Variants in TMC3 observed in about 807,000 individuals in gnomAD.
TMC3 encodes the protein transmembrane channel like 3, also known as transmembrane channel-like protein 3.
A neutral mutation model predicts 110.6 loss-of-function variants in TMC3; 98 were observed. That is an observed-to-expected ratio of 0.89 (90% CI 0.75 to 1.05). The LOEUF is 1.05. Among genes scored for constraint, TMC3 ranks in the 50% least tolerant of loss-of-function variants. The pLI, the probability that TMC3 is intolerant of heterozygous loss-of-function variation, is 0.00. For synonymous variants in TMC3, 489 were observed against 513.1 expected, an observed-to-expected ratio of 0.95 and a Z score of 0.63; for missense variants, 1,319 against 1,373.2, an observed-to-expected ratio of 0.96 and a Z score of 0.62.
In TMC3 at chr15:81,332,595, A is replaced by C. The variant is rs375372811; in HGVS notation, c.3127T>G (p.Ser1043Ala). 5.6e-6 allele frequency: 9 copies of C among 1,613,694 alleles called. No individual in the cohort carries two copies. The South Asian group carries it at 6.6e-5, about 12-fold the overall frequency. The change falls in exon 22 of 22, where the codon TCC becomes GCC. Residue 1043 changes from serine (S) to alanine (A), a missense_variant. Coordinates refer to ENST00000359440, the MANE Select transcript of TMC3 (RefSeq NM_001080532.3). ...TCACTGCTGGATGCTGCCGACACGG[A>C]GTCAGATTCCGTGAGGGATGGCTCG... ...RFEPSLTESD[S>A]VSAASSSDQQ...
chr15:81,371,665 C>G (rs1375530594), intron 2 of TMC3, among the ~76,000 whole-genome samples: 1 of 152,178 alleles, frequency 6.6e-6, no homozygotes, highest in Non-Finnish European at 1.5e-5. Flanking sequence ...TGTTAAATAC[C>G]AGATACAATG....
intron 1 of TMC3, among the ~76,000 whole-genome samples, chr15:81,373,050 G>A (rs914508456): frequency 6.6e-6 from 1 of 152,144 alleles, no homozygotes; most frequent in Non-Finnish European, 1.5e-5. Context: ...TGAGACAAGA[G>A]GGTATTTACG....
chr15:81,337,786 C>T (rs761277078), intron 19 of TMC3, 60 bp downstream of exon 19: 20 of 1,417,690 alleles, frequency 1.4e-5, no homozygotes, highest in African/African-American at 9.9e-5. Flanking sequence ...CCCACGCTGG[C>T]GGGATCTCAG....
intron 20 of TMC3, 58 bp from the exon 21 acceptor site, chr15:81,335,033 C>T: frequency 6.3e-7 from 1 of 1,583,588 alleles, no homozygotes; most frequent in Non-Finnish European, 8.6e-7. Flanking sequence ...GTGACAACTT[C>T]AGATGAGTTG....
intron 3 of TMC3, among the ~76,000 whole-genome samples, chr15:81,366,038 ATATG>A (rs986533155): frequency 3.3e-5 from 5 of 152,232 alleles, no homozygotes; most frequent in Non-Finnish European, 5.9e-5. Context: ...AGATCTAACA[ATATG>A]TATGACAGTT....
rs1271557989 is a variant in TMC3, at chr15:81,333,001, T to A, written c.2721A>T (p.Arg907Ser). 6.2e-7 allele frequency: 1 copy of A among 1,613,782 alleles called. No individual in the cohort carries two copies. The highest frequency in any genetic ancestry group is 1.7e-5 in the Admixed American group (1 of 59,986). Residue 907 changes from arginine (R) to serine (S), a missense_variant, in exon 22 of 22, where the codon AGA (arginine) becomes AGT (serine). Coordinates refer to ENST00000359440, the MANE Select transcript of TMC3 (RefSeq NM_001080532.3). ...KKKHLNVWPE[R>S]HFKIDASGDI... is the part of the protein sequence containing the mutation. ...CACCTGAAGCATCTATCTTGAAATG[T>A]CTTTCTGGCCAGACATTTAGATGTT... is the stretch of plus-strand genomic sequence containing the variant.
chr15:81,356,554 T>A lies in TMC3; in HGVS notation c.784A>T (p.Asn262Tyr), dbSNP rs1419886020. Reference sequence around the variant, plus strand: ...CGCCAGCAGAAGGTATAGTTTTCATTGGAAGCACTGGCAAGACTCGTGCGG... The same window carrying A: ...CGCCAGCAGAAGGTATAGTTTTCATAGGAAGCACTGGCAAGACTCGTGCGG... ...NSRTSLASAS[N>Y]ENYTFCWRVF... The change falls in exon 8 of 22, where the codon AAT (asparagine) becomes TAT (tyrosine). Residue 262 changes from asparagine (N) to tyrosine (Y), a missense_variant. By Grantham distance (143) the Asn-to-Tyr change is moderately radical. Coordinates refer to ENST00000359440, the MANE Select transcript of TMC3 (RefSeq NM_001080532.3). 6.3e-7 allele frequency: 1 copy of A among 1,586,590 alleles called. No homozygotes were observed. Among genetic ancestry groups the A allele is most frequent in the Non-Finnish European group, 8.6e-7 (1 of 1,166,408 alleles).
At chr15:81,368,192 C>G in intron 3 of TMC3, 61 bp downstream of exon 3, 8 of 1,304,864 alleles carry the variant, frequency 6.1e-6, no homozygotes, top group Non-Finnish European at 8.9e-6. Flanking sequence ...CTTGGCCTCC[C>G]AAAGCACTGG....
At chr15:81,354,677 G>T (rs1327049126) in intron 9 of TMC3, among the ~76,000 whole-genome samples, 1 of 152,108 alleles carries the variant, frequency 6.6e-6, no homozygotes, top group African/African-American at 2.4e-5. Flanking sequence ...TGGCCAAGAG[G>T]ATTTGAAGGG....
At chr15:81,354,494 C>T (rs1164147502) in intron 9 of TMC3, among the ~76,000 whole-genome samples, 1 of 152,178 alleles carries the variant, frequency 6.6e-6, no homozygotes, top group East Asian at 1.9e-4. Context: ...AGCATTGCAC[C>T]CAGCCTCTTG....
At chr15:81,341,575 A>G in intron 15 of TMC3, 57 bp from the exon 16 acceptor site, 3 of 1,561,012 alleles carry the variant, frequency 1.9e-6, no homozygotes, top group Non-Finnish European at 2.6e-6. Flanking sequence ...ATCTCCCAGG[A>G]CTATGGAAGC....
At chr15:81,345,428 AATG>A (rs1893805722) in intron 12 of TMC3, among the ~76,000 whole-genome samples, 2 of 152,182 alleles carry the variant, frequency 1.3e-5, no homozygotes, top group Non-Finnish European at 2.9e-5. Flanking sequence ...AATGCAGAAA[AATG>A]ATTCTCTGTG....
chr15:81,366,811 G>A (rs1209246778), intron 3 of TMC3, among the ~76,000 whole-genome samples: 1 of 152,100 alleles, frequency 6.6e-6, no homozygotes, highest in Non-Finnish European at 1.5e-5. Flanking sequence ...TTCTTTGATA[G>A]TTTATAATTT....
chr15:81,333,662 A>G (rs1332825195), intron 21 of TMC3, among the ~76,000 whole-genome samples: 1 of 152,058 alleles, frequency 6.6e-6, no homozygotes, highest in Non-Finnish European at 1.5e-5. Flanking sequence ...CTGAGTTTCC[A>G]CTGGTGGGTG....
Position 81,344,005 on chromosome 15 carries a change from A to G in TMC3, c.1559T>C (p.Val520Ala). The change falls in exon 14 of 22, where the codon GTG becomes GCG. Residue 520 changes from valine to alanine, a missense_variant. Val to Ala is a moderately conservative substitution (Grantham distance 64). Coordinates refer to ENST00000359440, the MANE Select transcript of TMC3 (RefSeq NM_001080532.3). Reference sequence around the variant, plus strand: ...GAAGTCTATGAGCAGAATGCTCGCCACGGTGAAGAGCATGTCAATGATGGA... The same window carrying G: ...GAAGTCTATGAGCAGAATGCTCGCCGCGGTGAAGAGCATGTCAATGATGGA... ...KLSIIDMLFTVASILLIDFFR... is the reference protein window; with the variant it reads ...KLSIIDMLFTAASILLIDFFR... The G allele has an allele frequency of 1.9e-6, 3 of 1,612,832 alleles. No homozygotes were observed. Among genetic ancestry groups the G allele is most frequent in the Non-Finnish European group, 2.5e-6 (3 of 1,179,406 alleles).
chr15:81,345,885 A>G (rs530496524), intron 12 of TMC3, among the ~76,000 whole-genome samples: 2 of 148,974 alleles, frequency 1.3e-5, no homozygotes, highest in South Asian at 2.1e-4. Flanking sequence ...TCAAAAAAGA[A>G]AAAAAAAAAG....
chr15:81,345,417 C>T (rs1300863778), intron 12 of TMC3, among the ~76,000 whole-genome samples: 1 of 152,122 alleles, frequency 6.6e-6, no homozygotes, highest in Non-Finnish European at 1.5e-5. Context: ...CTCAAAGCCC[C>T]AATGCAGAAA....
At chr15:81,340,120 G>T (rs561878886) in intron 16 of TMC3, among the ~76,000 whole-genome samples, 2 of 152,304 alleles carry the variant, frequency 1.3e-5, no homozygotes, top group South Asian at 4.1e-4. Flanking sequence ...TCTGTTTGGT[G>T]TGCAAGGCCC....
intron 20 of TMC3, chr15:81,335,764 C>CT (rs1207839150): frequency 6.6e-6 from 1 of 152,272 alleles, no homozygotes; most frequent in Non-Finnish European, 1.5e-5. Context: ...TCACAGCACT[C>CT]TGTTAGTGGT....
Sources: allele counts gnomAD v4.1 joint callset (sites outside exome capture counted in the v4.1 genomes callset), GRCh38; gene constraint gnomAD v4.1.1; transcripts MANE v1.5; gene names NCBI Gene and HGNC (gene_info 2026-07-23, HGNC 2026-07-21).